DMP1: variants seen among roughly 807,000 people sequenced by gnomAD.
DMP1 encodes the protein dentin matrix protein 1.
A neutral mutation model predicts 14.6 loss-of-function variants in DMP1; 20 were observed. The ratio of observed to expected loss-of-function variants is 1.37; its 90% CI spans 0.96 to 1.99. The LOEUF (loss-of-function observed/expected upper bound fraction) is 1.99. DMP1 is among the 30% of genes most tolerant of loss of function. DMP1 has a pLI of 0.00. For missense variants in DMP1, 567 were observed against 620.5 expected, an observed-to-expected ratio of 0.91 and a Z score of 0.92; for synonymous variants, 197 against 215.3, an observed-to-expected ratio of 0.91 and a Z score of 0.75.
intron 1 of DMP1, among the ~76,000 whole-genome samples, chr4:87,653,392 T>TG (rs1728576718): frequency 2.3e-5 from 1 of 42,936 alleles, no homozygotes; most frequent in Non-Finnish European, 4.6e-5. Context: ...GAGTGATATA[T>TG]ATATATATAT....
In DMP1 at chr4:87,663,016, A is replaced by G. The variant is rs1728967796; in HGVS notation, c.1238A>G (p.Asn413Ser). 3.7e-6 allele frequency: 6 copies of G among 1,614,090 alleles called. No homozygotes were observed. Among genetic ancestry groups the G allele is most frequent in the Non-Finnish European group, 5.1e-6 (6 of 1,180,038 alleles). The stretch of plus-strand genomic sequence containing the variant: ...GACAGCGAATCCAGTGAGAGCCTCA[A>G]CTTCTCAGAGGAAAGCCCGGAGTCC... ...QADSESSESL[N>S]FSEESPESPE... Residue 413 changes from asparagine (N) to serine (S), a missense_variant, in exon 6 of 6, where the codon AAC becomes AGC. Coordinates refer to ENST00000339673, the MANE Select transcript of DMP1 (RefSeq NM_004407.4).
rs138595648 is a variant in DMP1 at position 87,662,872 on chromosome 4, G to C, written c.1094G>C (p.Gly365Ala). ...SQEEVVSESR[G>A]DNPDPTTSYV... is the part of the protein sequence containing the mutation. ...GAAGAGGTGGTGAGTGAGTCCAGGG[G>C]AGATAACCCCGACCCCACAACTAGT... The change falls in exon 6 of 6, where the codon GGA becomes GCA. Residue 365 changes from glycine (G) to alanine (A), a missense_variant. Physicochemically the swap from Gly to Ala is moderately conservative, Grantham distance 60 (BLOSUM62 0). Transcript: ENST00000339673. The C allele has an allele frequency of 1.2e-6, 2 of 1,614,134 alleles. No individual in the cohort carries two copies. The highest frequency in any genetic ancestry group is 3.3e-5 in the Admixed American group (2 of 60,018).
chr4:87,661,441 C>T (rs1282991981), intron 5 of DMP1, among the ~76,000 whole-genome samples: 1 of 151,766 alleles, frequency 6.6e-6, no homozygotes, highest in East Asian at 1.9e-4. Context: ...CCAGGATGGT[C>T]TCGATCTCCT....
rs560963534 is a variant in DMP1, at chr4:87,662,561, G to A, written c.783G>A (p.Glu261=). The change falls in exon 6 of 6, where the codon GAG becomes GAA. Residue 261 remains glutamate, a synonymous_variant. Coordinates refer to ENST00000339673, the MANE Select transcript of DMP1 (RefSeq NM_004407.4). ...ATTCAGGTGGCAGCCAATTGCTGGA[G>A]CATCCCAGTAGGAAAATTTTTAGGA... ...TQDSGGSQLL[E]HPSRKIFRKS... 66 of 1,613,982 alleles carry A rather than the reference G, an allele frequency of 4.1e-5. No homozygotes were observed. Among genetic ancestry groups the A allele is most frequent in the Non-Finnish European group, 5.3e-5 (63 of 1,180,024 alleles).
intron 1 of DMP1, among the ~76,000 whole-genome samples, chr4:87,654,752 C>T (rs566816588): frequency 6.6e-6 from 1 of 152,294 alleles, no homozygotes; most frequent in East Asian, 1.9e-4. Context: ...ATGCATTTGT[C>T]TCATGCTCAG....
rs1279132367 is a variant in DMP1, at chr4:87,657,023, AT to A, written c.55-5del. On this transcript the variant is annotated splice_polypyrimidine_tract_variant and splice_region_variant and intron_variant, in intron 2 of 5. Transcript: ENST00000339673. Reference sequence around the variant, plus strand: ...TCTTTGGATTTACCATGTGTACTAAATTTTCTAGGTAACCAGGTATCAAAAT... The same window carrying A: ...TCTTTGGATTTACCATGTGTACTAAATTTCTAGGTAACCAGGTATCAAAAT... The A allele has an allele frequency of 1.1e-5, 16 of 1,518,946 alleles. No homozygotes were observed. Among genetic ancestry groups the A allele is most frequent in the Non-Finnish European group, 1.4e-5 (15 of 1,093,788 alleles). 94.1% of individuals were successfully genotyped at this position (1,518,946 alleles called of 1,614,324 possible). A position where few individuals can be genotyped will look rare whatever the true frequency, so the allele number is the denominator to read the frequency against.
In DMP1 at chr4:87,662,085, G is replaced by A. The variant is rs1450946281; in HGVS notation, c.307G>A (p.Asp103Asn). The change falls in exon 6 of 6, where the codon GAT (aspartate) becomes AAT (asparagine). Residue 103 changes from aspartate (D) to asparagine (N), a missense_variant. Asp to Asn is a conservative substitution (Grantham distance 23). Transcript: ENST00000339673. ...RSTGKGGDDK[D>N]DDEDDSGDDT... is the part of the protein sequence containing the mutation. Reference sequence around the variant, plus strand: ...CACAGGAAAAGGAGGAGATGATAAAGATGACGATGAAGATGACAGTGGAGA... The same window carrying A: ...CACAGGAAAAGGAGGAGATGATAAAAATGACGATGAAGATGACAGTGGAGA... The A allele has an allele frequency of 6.2e-7, 1 of 1,614,090 alleles. No homozygotes were observed. Among genetic ancestry groups the A allele is most frequent in the Non-Finnish European group, 8.5e-7 (1 of 1,180,042 alleles).
At chr4:87,653,656 T>A (rs1006069751) in intron 1 of DMP1, among the ~76,000 whole-genome samples, 1 of 151,854 alleles carries the variant, frequency 6.6e-6, no homozygotes, top group Non-Finnish European at 1.5e-5. Flanking sequence ...AAAACAAACC[T>A]ATTCCTGTGC....
Position 87,663,392 on chromosome 4 carries a change from T to C in DMP1, c.*72T>C, listed in dbSNP as rs1043882695. 8 of 1,605,928 alleles carry C rather than the reference T, an allele frequency of 5.0e-6. No individual in the cohort carries two copies. The African/African-American group carries it at 8.0e-5, about 16-fold the overall frequency. ...ACTTGAAAATGTATCATGATAACTA[T>C]AATTTATTGATGTTTTGATCAAAAG... On this transcript the variant is annotated 3_prime_UTR_variant, in exon 6 of 6. Coordinates refer to ENST00000339673, the MANE Select transcript of DMP1 (RefSeq NM_004407.4).
Position 87,663,335 on chromosome 4 carries a change from AG to A in DMP1, c.*16del. 6.2e-7 allele frequency: 1 copy of A among 1,614,222 alleles called. No individual in the cohort carries two copies. Among genetic ancestry groups the A allele is most frequent in the Non-Finnish European group, 8.5e-7 (1 of 1,180,026 alleles). ...ACGGCTATTAGCATCAGCTGTCCTA[AG>A]AAGCAGTTGTCACATAAAGGAGTCT... On this transcript the variant is annotated 3_prime_UTR_variant, in exon 6 of 6. Transcript: ENST00000339673.
Position 87,662,765 on chromosome 4 carries a change from G to A in DMP1, c.987G>A (p.Glu329=). ...GCAAGGAGAATCTGTCCCAGGAAGA[G>A]AGCCAAAACGTAGATGGTCCCAGCA... ...EDSKENLSQE[E]SQNVDGPSSE... is the part of the protein sequence containing the mutation. Residue 329 remains glutamate (E), a synonymous_variant, in exon 6 of 6, where the codon GAG becomes GAA. Transcript: ENST00000339673. 1.2e-6 allele frequency: 2 copies of A among 1,613,824 alleles called. No homozygotes were observed. Among genetic ancestry groups the A allele is most frequent in the Non-Finnish European group, 1.7e-6 (2 of 1,179,812 alleles).
At position 87,663,235 on chromosome 4, in the gene DMP1, TAGAG is replaced by T. The variant is rs765734588; in HGVS notation, c.1460_1463del (p.Glu487AlafsTer4). The T allele has an allele frequency of 3.7e-6, 6 of 1,614,094 alleles. No individual in the cohort carries two copies. The highest frequency in any genetic ancestry group is 2.2e-5 in the East Asian group (1 of 44,882). On this transcript the variant is annotated frameshift_variant, in exon 6 of 6. Coordinates refer to ENST00000339673, the MANE Select transcript of DMP1 (RefSeq NM_004407.4). LOFTEE classifies it high-confidence loss of function. Reference sequence around the variant, plus strand: ...GATGGCCAGTTGAAAAACATTGAGATAGAGAGCCGGAAATTAACAGTTGATGCCT... The same window carrying T: ...GATGGCCAGTTGAAAAACATTGAGATAGCCGGAAATTAACAGTTGATGCCT...
At chr4:87,657,204 T>C in intron 3 of DMP1, 125 bp downstream of exon 3, 1 of 619,026 alleles carries the variant, frequency 1.6e-6, no homozygotes, top group South Asian at 2.1e-5. Flanking sequence ...AGCTAAGCTA[T>C]AGAGTTCATA....
intron 1 of DMP1, among the ~76,000 whole-genome samples, chr4:87,651,594 T>C (rs1000505451): frequency 6.6e-5 from 10 of 152,192 alleles, no homozygotes; most frequent in South Asian, 4.1e-4. Flanking sequence ...TATTGTTTAT[T>C]ATTATTAAAG....
intron 4 of DMP1, 23 bp downstream of exon 4, chr4:87,659,275 T>C (rs1164080085): frequency 6.2e-7 from 1 of 1,613,530 alleles, no homozygotes; most frequent in Non-Finnish European, 8.5e-7. Context: ...TTTACTTTTG[T>C]CATAAACATC....
chr4:87,657,581 C>A (rs898666721), intron 3 of DMP1, among the ~76,000 whole-genome samples: 1 of 152,122 alleles, frequency 6.6e-6, no homozygotes, highest in Admixed American at 6.6e-5. Context: ...AATTTTCACA[C>A]CTCTGTGAAT....
At position 87,662,402 on chromosome 4, in the gene DMP1, C is replaced by T. The variant is rs758353143; in HGVS notation, c.624C>T (p.Ser208=). Residue 208 remains serine, a synonymous_variant, in exon 6 of 6, where the codon TCC becomes TCT. Coordinates refer to ENST00000339673, the MANE Select transcript of DMP1 (RefSeq NM_004407.4). ...GGGAGAGCAGCCATGGAGACGGCTCCGAGTTGGACGATGAGGGAATGCAGA... is the reference window on the plus strand; with the variant it reads ...GGGAGAGCAGCCATGGAGACGGCTCTGAGTTGGACGATGAGGGAATGCAGA... ...SDGESSHGDG[S]ELDDEGMQSD... is the part of the protein sequence containing the mutation. The T allele has an allele frequency of 1.4e-5, 23 of 1,614,076 alleles. No homozygotes were observed. Among genetic ancestry groups the T allele is most frequent in the Admixed American group, 6.7e-5 (4 of 60,016 alleles).
In DMP1 at chr4:87,662,943, T is replaced by C; in HGVS notation, c.1165T>C (p.Ser389Pro). The part of the protein sequence containing the change: ...EDSDSSEEDS[S>P]HTLSHSKSES... Reference sequence around the variant, plus strand: ...CAGTGACTCCAGCGAGGAGGACAGCTCGCACACACTCTCCCACTCAAAAAG... The same window carrying C: ...CAGTGACTCCAGCGAGGAGGACAGCCCGCACACACTCTCCCACTCAAAAAG... The change falls in exon 6 of 6, where the codon TCG (serine) becomes CCG (proline). Residue 389 changes from serine (S) to proline (P), a missense_variant. By Grantham distance (74) the Ser-to-Pro change is moderately conservative (BLOSUM62 -1). Transcript: ENST00000339673. 1 of 1,614,038 alleles carries C rather than the reference T, an allele frequency of 6.2e-7. No individual in the cohort carries two copies. Among genetic ancestry groups the C allele is most frequent in the Non-Finnish European group, 8.5e-7 (1 of 1,179,998 alleles).
rs1192704515 is a variant in DMP1, at chr4:87,662,117, C to A, written c.339C>A (p.Thr113=). The change falls in exon 6 of 6, where the codon ACC becomes ACA. Residue 113 remains threonine (T), a synonymous_variant. Transcript: ENST00000339673. ...DDDEDDSGDD[T]FGDDDSGPGP... is the part of the protein sequence containing the mutation. ...ATGAAGATGACAGTGGAGATGACACCTTTGGTGACGATGACAGTGGCCCAG... is the reference window on the plus strand; with the variant it reads ...ATGAAGATGACAGTGGAGATGACACATTTGGTGACGATGACAGTGGCCCAG... 1.2e-6 allele frequency: 2 copies of A among 1,614,150 alleles called. No homozygotes were observed. The highest frequency in any genetic ancestry group is 1.1e-5 in the South Asian group (1 of 91,080).
Sources: gnomAD v4.1 joint callset for allele counts (sites outside exome capture counted in the v4.1 genomes callset) on GRCh38, gnomAD v4.1.1 for gene constraint, MANE v1.5 for transcripts, NCBI Gene and HGNC (gene_info 2026-07-23, HGNC 2026-07-21) for gene names.